Variants in MCPH1 observed in about 807,000 individuals in gnomAD.
The protein encoded by MCPH1 is microcephalin 1.
In MCPH1, 104 loss-of-function variants were observed where a neutral mutation model predicts 84.5. The ratio of observed to expected loss-of-function variants is 1.23; its 90% confidence interval spans 1.05 to 1.45. MCPH1 has a LOEUF of 1.45. Among genes scored for constraint, MCPH1 ranks in the 40% most tolerant of loss-of-function variants. The pLI, the probability that MCPH1 is intolerant of heterozygous loss-of-function variation, is 0.00. For synonymous variants in MCPH1, 514 were observed against 366.8 expected, an observed-to-expected ratio of 1.40 and a Z score of -4.58; for missense variants, 1,498 against 1,005.7, an observed-to-expected ratio of 1.49 and a Z score of -6.62.
intron 13 of MCPH1, chr8:6,634,707 GGAT>G (rs1228152655): frequency 6.6e-6 from 1 of 152,132 alleles, no homozygotes; most frequent in African/African-American, 2.4e-5. Context: ...AAGTTGGACC[GGAT>G]GATGACAGCA....
At chr8:6,639,880 G>GTTAT (rs1426975785) in intron 13 of MCPH1, among the ~76,000 whole-genome samples, 1 of 151,864 alleles carries the variant, frequency 6.6e-6, no homozygotes, top group Non-Finnish European at 1.5e-5. Flanking sequence ...TGTGCTTTCT[G>GTTAT]TTATTTTCAT....
chr8:6,470,811 G>A (rs1221926346), intron 9 of MCPH1, among the ~76,000 whole-genome samples: 6 of 152,210 alleles, frequency 3.9e-5, no homozygotes, highest in Non-Finnish European at 8.8e-5. Flanking sequence ...AGTAGAAAAT[G>A]TAAAGAGGGT....
chr8:6,601,931 C>G (rs1254121953), intron 12 of MCPH1, among the ~76,000 whole-genome samples: 1 of 152,212 alleles, frequency 6.6e-6, no homozygotes, highest in Non-Finnish European at 1.5e-5. Flanking sequence ...AGTATAAATA[C>G]TATCATATAA....
chr8:6,595,763 G>C lies in MCPH1; in HGVS notation c.2215-25691G>C, dbSNP rs562147464. On this transcript the variant is annotated intron_variant, in intron 12 of 13. Coordinates refer to ENST00000344683, the MANE Select transcript of MCPH1 (RefSeq NM_024596.5). ...ACAAGGTCTTCAGAGCATCATTCCGGCTGCTGCACAGGGAAGAGCATCAGG... is the reference window on the plus strand; with the variant it reads ...ACAAGGTCTTCAGAGCATCATTCCGCCTGCTGCACAGGGAAGAGCATCAGG... 2.0e-5 allele frequency among the ~76,000 whole-genome samples: 3 copies of C among 152,264 alleles called. No homozygotes were observed. In the South Asian group the frequency reaches 6.2e-4, roughly 32 times the overall value.
chr8:6,504,280 T>C (rs1479510605), intron 12 of MCPH1, among the ~76,000 whole-genome samples: 1 of 132,000 alleles, frequency 7.6e-6, no homozygotes, highest in South Asian at 2.4e-4. Context: ...ATCGCGCCAC[T>C]GCACTCCAGC....
intron 12 of MCPH1, among the ~76,000 whole-genome samples, chr8:6,568,369 T>C (rs1200211998): frequency 6.6e-6 from 1 of 152,150 alleles, no homozygotes; most frequent in Non-Finnish European, 1.5e-5. Context: ...GAGCAATCCG[T>C]GCAGCTCTCA....
intron 12 of MCPH1, among the ~76,000 whole-genome samples, chr8:6,598,817 C>G (rs2129578114): frequency 6.6e-6 from 1 of 152,318 alleles, no homozygotes; most frequent in Admixed American, 6.5e-5. Context: ...GGATGGCTGC[C>G]GAGGGTGGCC....
chr8:6,473,906 A>T lies in MCPH1; in HGVS notation c.1936-3688A>T, dbSNP rs539485916. ...CAAGATCTGATCTACATTATTTTCT[A>T]GCTCTTCTGGTTTATTGCTGGGCAG... is the stretch of plus-strand genomic sequence containing the variant. On this transcript the variant is annotated intron_variant, in intron 9 of 13. Transcript: ENST00000344683. 1.6e-5 allele frequency: 24 copies of T among 1,543,692 alleles called. No individual in the cohort carries two copies. The African/African-American group carries it at 3.0e-4, about 19-fold the overall frequency.
intron 8 of MCPH1, among the ~76,000 whole-genome samples, chr8:6,451,076 AATAG>A (rs766298557): frequency 1.2e-4 from 18 of 152,380 alleles, no homozygotes; most frequent in African/African-American, 3.6e-4. Flanking sequence ...GTTGCAAATA[AATAG>A]ATAGACATAT....
intron 4 of MCPH1, among the ~76,000 whole-genome samples, chr8:6,435,066 C>A (rs932548712): frequency 4.6e-5 from 7 of 152,148 alleles, no homozygotes; most frequent in African/African-American, 1.7e-4. Flanking sequence ...AACCCAAGAC[C>A]TTCCTGTGGA....
At chr8:6,640,672 T>C (rs577656029) in intron 13 of MCPH1, among the ~76,000 whole-genome samples, 20 of 152,352 alleles carry the variant, frequency 1.3e-4, no homozygotes, top group African/African-American at 4.8e-4. Flanking sequence ...TTTTAATTTT[T>C]AACTATTATT....
intron 11 of MCPH1, among the ~76,000 whole-genome samples, chr8:6,498,432 A>G (rs773148234): frequency 5.3e-5 from 8 of 152,214 alleles, no homozygotes; most frequent in Non-Finnish European, 1.2e-4. Flanking sequence ...TCCTATCTCT[A>G]TGCAATATTA....
chr8:6,569,467 G>T (rs565063433), intron 12 of MCPH1, among the ~76,000 whole-genome samples: 7 of 152,180 alleles, frequency 4.6e-5, no homozygotes, highest in Non-Finnish European at 1.0e-4. Flanking sequence ...TTTGGAATGC[G>T]AGGAAGGACA....
intron 12 of MCPH1, chr8:6,507,678 G>C (rs970994682): frequency 6.8e-6 from 1 of 147,644 alleles, no homozygotes; most frequent in Non-Finnish European, 1.5e-5. Flanking sequence ...CCAGGTTCAA[G>C]CCATTCTCCT....
Position 6,574,280 on chromosome 8 carries a change from G to A in MCPH1, c.2215-47174G>A, listed in dbSNP as rs79596272. ...GCCATGCTCCCTCTGAAACCTATAG[G>A]GGGTCCTTCCCTGTCCCATCCTAGC... On this transcript the variant is annotated intron_variant, in intron 12 of 13. Coordinates refer to ENST00000344683, the MANE Select transcript of MCPH1 (RefSeq NM_024596.5). 0.011 allele frequency among the ~76,000 whole-genome samples: 1,719 copies of A among 152,204 alleles called. 70 individuals are homozygous for A. The East Asian group carries it at 0.12, about 10-fold the overall frequency.
intron 12 of MCPH1, among the ~76,000 whole-genome samples, chr8:6,582,440 A>G (rs1827632442): frequency 6.6e-6 from 1 of 152,220 alleles, no homozygotes; most frequent in African/African-American, 2.4e-5. Flanking sequence ...AAGTGCATCT[A>G]TCTGTGTATT....
intron 13 of MCPH1, chr8:6,624,811 C>T (rs980569064): frequency 1.4e-5 from 14 of 985,038 alleles, no homozygotes; most frequent in Admixed American, 6.2e-5. Flanking sequence ...CAGGGCATTG[C>T]GTTTCCTGCC....
At chr8:6,495,641 A>G (rs1811140198) in intron 11 of MCPH1, among the ~76,000 whole-genome samples, 1 of 152,232 alleles carries the variant, frequency 6.6e-6, no homozygotes, top group African/African-American at 2.4e-5. Flanking sequence ...TGTTACGCTT[A>G]TAATAAATAA....
intron 12 of MCPH1, chr8:6,514,569 G>A (rs1334571375): frequency 1.0e-6 from 1 of 969,902 alleles, no homozygotes; most frequent in South Asian, 1.5e-5. Flanking sequence ...TAAAAACCAT[G>A]TCAAAAGTCA....
Sources: gnomAD v4.1 joint callset for allele counts (sites outside exome capture counted in the v4.1 genomes callset) on GRCh38, gnomAD v4.1.1 for gene constraint, MANE v1.5 for transcripts, NCBI Gene and HGNC (gene_info 2026-07-23, HGNC 2026-07-21) for gene names.